Variants in ATXN7L1 observed in about 807,000 individuals in gnomAD.
ATXN7L1 encodes ataxin-7-like protein 1.
ATXN7L1 carries 15 observed loss-of-function variants against 70.8 expected under a neutral mutation model. The observed-to-expected ratio is 0.21, with a 90% CI of 0.14 to 0.33. The LOEUF (loss-of-function observed/expected upper bound fraction) is 0.33, where lower values mean the gene tolerates loss of function less well. Ranked by LOEUF, ATXN7L1 falls within the 10% of genes least tolerant of loss-of-function variation. The pLI, the probability that ATXN7L1 is intolerant of heterozygous loss-of-function variation, is 1.00. For synonymous variants in ATXN7L1, 440 were observed against 445.1 expected (o/e 0.99, Z 0.14); for missense variants, 975 against 1,097.1 (o/e 0.89, Z 1.57).
At chr7:105,841,574 C>T (rs184601823) in intron 2 of ATXN7L1, among the ~76,000 whole-genome samples, 1 of 152,250 alleles carries the variant, frequency 6.6e-6, no homozygotes, top group Non-Finnish European at 1.5e-5. Flanking sequence ...GTCTATTCCA[C>T]CTGCCTATCA....
chr7:105,864,522 G>A (rs187775135), intron 2 of ATXN7L1, among the ~76,000 whole-genome samples: 72 of 147,320 alleles, frequency 4.9e-4, no homozygotes, highest in African/African-American at 1.7e-3. Context: ...CGGTTGTTTC[G>A]TTTTAGTATG....
At chr7:105,852,025 C>A (rs1244283433) in intron 2 of ATXN7L1, among the ~76,000 whole-genome samples, 1 of 152,202 alleles carries the variant, frequency 6.6e-6, no homozygotes, top group Non-Finnish European at 1.5e-5. Context: ...TACTTTATCA[C>A]ACTTTCTATG....
intron 3 of ATXN7L1, among the ~76,000 whole-genome samples, chr7:105,728,956 T>C (rs564222425): frequency 2.0e-5 from 3 of 152,242 alleles, no homozygotes; most frequent in Admixed American, 2.0e-4. Flanking sequence ...CATACTGTTA[T>C]AAATGCATGA....
chr7:105,739,338 C>T (rs1294643796), intron 3 of ATXN7L1, among the ~76,000 whole-genome samples: 1 of 152,172 alleles, frequency 6.6e-6, no homozygotes, highest in Non-Finnish European at 1.5e-5. Context: ...GGAAGAAGAA[C>T]CTATATTTTA....
chr7:105,614,853 A>T lies in ATXN7L1; in HGVS notation c.1518-37T>A, dbSNP rs1257833986. On this transcript the variant is annotated intron_variant, in intron 9 of 11. Coordinates refer to ENST00000419735, the MANE Select transcript of ATXN7L1 (RefSeq NM_020725.2). The surrounding 1 kb of genome is among the most constrained non-coding windows in gnomAD (Gnocchi z 4.3). ...AGAAGAGTGAAAGAGAATCAGTGAG[A>T]CATCGGGTTGGCATTGCTCAGGAGG... 2 of 1,523,832 alleles carry T rather than the reference A, an allele frequency of 1.3e-6. No homozygotes were observed. The highest frequency in any genetic ancestry group is 4.1e-5 in the Admixed American group (2 of 49,328). The allele number at this position is 1,523,832 out of a possible 1,614,324, so 94.4% of individuals were successfully genotyped here.
chr7:105,641,337 T>TTC (rs1554403457), intron 5 of ATXN7L1, among the ~76,000 whole-genome samples: 2 of 149,184 alleles, frequency 1.3e-5, no homozygotes, highest in Admixed American at 6.7e-5. Flanking sequence ...TGTTTTTTTT[T>TTC]TGGGTCTGTC....
At chr7:105,680,974 G>A (rs1417778968) in intron 3 of ATXN7L1, among the ~76,000 whole-genome samples, 1 of 152,146 alleles carries the variant, frequency 6.6e-6, no homozygotes, top group East Asian at 1.9e-4. Context: ...TCAGGTGCCC[G>A]TGTAGGCTCT....
At chr7:105,819,780 C>A (rs914994331) in intron 2 of ATXN7L1, 3 of 675,236 alleles carry the variant, frequency 4.4e-6, no homozygotes, top group South Asian at 2.8e-5. Context: ...AAGGCCGGGC[C>A]GCCCTGGAGC....
intron 3 of ATXN7L1, among the ~76,000 whole-genome samples, chr7:105,759,077 T>G (rs1055365714): frequency 2.0e-5 from 3 of 151,752 alleles, no homozygotes; most frequent in African/African-American, 7.3e-5. Flanking sequence ...CACCAACTAC[T>G]ACACAGAAAA....
chr7:105,799,562 C>G (rs1401702904), intron 2 of ATXN7L1, among the ~76,000 whole-genome samples: 1 of 151,986 alleles, frequency 6.6e-6, no homozygotes, highest in Non-Finnish European at 1.5e-5. Flanking sequence ...GAAGTTGGTT[C>G]TGGCTGTGAC....
intron 4 of ATXN7L1, among the ~76,000 whole-genome samples, chr7:105,650,643 C>T (rs780243938): frequency 6.6e-6 from 1 of 152,190 alleles, no homozygotes; most frequent in Non-Finnish European, 1.5e-5. Flanking sequence ...CCATGCAGAG[C>T]TCGACAGGGA....
chr7:105,661,346 G>T (rs955032822), intron 4 of ATXN7L1, among the ~76,000 whole-genome samples: 1 of 152,118 alleles, frequency 6.6e-6, no homozygotes, highest in Admixed American at 6.6e-5. Context: ...GGCCTAATAG[G>T]GTGGTATTGG....
chr7:105,656,575 C>CGTTTT, intron 4 of ATXN7L1, among the ~76,000 whole-genome samples: 1 of 112,716 alleles, frequency 8.9e-6, no homozygotes. Context: ...TCTTCTTCTT[C>CGTTTT]CTTTTTTTTT....
intron 2 of ATXN7L1, among the ~76,000 whole-genome samples, chr7:105,841,821 G>C (rs989266173): frequency 2.6e-5 from 4 of 152,192 alleles, no homozygotes; most frequent in Admixed American, 6.5e-5. Flanking sequence ...GGTAGACACA[G>C]GGTTTAGTAC....
Position 105,614,614 on chromosome 7 carries a change from G to C in ATXN7L1, c.1720C>G (p.Pro574Ala). Residue 574 changes from proline to alanine, a missense_variant, in exon 10 of 12, where the codon CCG (proline) becomes GCG (alanine). Physicochemically the swap from Pro to Ala is conservative, Grantham distance 27. Around this residue, in one of 5 missense-constraint regions of ATXN7L1, gnomAD observed 635 missense variants for 699.4 expected, o/e 0.91. Coordinates refer to ENST00000419735, the MANE Select transcript of ATXN7L1 (RefSeq NM_020725.2). This position sits in a 1 kb window ranked among gnomAD's most constrained non-coding sequence, Gnocchi z 4.3. ...GTGGTGTGGGACATGAGGGCGCTCGGGTCCGGCGATGTCACGAAAGCTGCG... is the reference window on the plus strand; with the variant it reads ...GTGGTGTGGGACATGAGGGCGCTCGCGTCCGGCGATGTCACGAAAGCTGCG... Reference protein sequence around the residue: ...SNAAFVTSPDPSALMSHTTAF... With the variant: ...SNAAFVTSPDASALMSHTTAF... The C allele has an allele frequency of 6.4e-7, 1 of 1,551,834 alleles. No individual in the cohort carries two copies. Among genetic ancestry groups the C allele is most frequent in the Non-Finnish European group, 8.7e-7 (1 of 1,147,024 alleles).
chr7:105,789,884 C>T (rs1312113107), intron 2 of ATXN7L1, among the ~76,000 whole-genome samples: 1 of 151,778 alleles, frequency 6.6e-6, no homozygotes, highest in African/African-American at 2.4e-5. Flanking sequence ...AGCAGCATTA[C>T]TCAGAATAGC....
chr7:105,839,248 G>A (rs902003441), intron 2 of ATXN7L1, among the ~76,000 whole-genome samples: 3 of 151,590 alleles, frequency 2.0e-5, no homozygotes, highest in Non-Finnish European at 4.4e-5. Context: ...AAAAAAGCTT[G>A]TGGATTTTGT....
chr7:105,847,604 A>G (rs1814251487), intron 2 of ATXN7L1, among the ~76,000 whole-genome samples: 1 of 152,254 alleles, frequency 6.6e-6, no homozygotes, highest in Non-Finnish European at 1.5e-5. Context: ...ACAAGAGCTC[A>G]GGACAGTAGA....
chr7:105,621,013 T>C (rs1794855255), intron 8 of ATXN7L1, among the ~76,000 whole-genome samples: 1 of 152,188 alleles, frequency 6.6e-6, no homozygotes, highest in Non-Finnish European at 1.5e-5. Flanking sequence ...CTTCTCATGA[T>C]AGTAATGGAA....
Sources: allele counts gnomAD v4.1 joint callset (sites outside exome capture counted in the v4.1 genomes callset), GRCh38; gene constraint gnomAD v4.1.1; regional missense constraint gnomAD v4.1.1; non-coding constraint Gnocchi (gnomAD v3.1); transcripts MANE v1.5; gene names NCBI Gene and HGNC (gene_info 2026-07-23, HGNC 2026-07-21).